The following TMEM233 variants were observed in gnomAD, a reference collection of about 807,000 sequenced individuals.
TMEM233 encodes transmembrane protein 233, also known as dispanin subfamily B member 2.
A neutral mutation model predicts 11.2 loss-of-function variants in TMEM233; 6 were observed. The observed-to-expected ratio is 0.54, with a 90% CI of 0.29 to 1.06. The LOEUF is 1.06. Among genes scored for constraint, TMEM233 ranks in the 50% least tolerant of loss-of-function variants. The pLI, the probability that TMEM233 is intolerant of heterozygous loss-of-function variation, is 0.08. For missense variants in TMEM233, 127 were observed against 144.7 expected (o/e 0.88, Z 0.63); for synonymous variants, 59 against 55.8 (o/e 1.06, Z -0.26).
In TMEM233 at chr12:119,640,854, A is replaced by AAC; in HGVS notation, c.*150_*151insCA. The AAC allele has an allele frequency of 1.8e-3, 973 of 528,748 alleles. No homozygotes were observed. Among genetic ancestry groups the AAC allele is most frequent in the East Asian group, 3.2e-3 (86 of 26,600 alleles). 32.8% of individuals were successfully genotyped at this position (528,748 alleles called of 1,614,324 possible). A position where few individuals can be genotyped will look rare whatever the true frequency, so the allele number is the denominator to read the frequency against. ...AGAGGCAGGTCCCTGGCAAATGAACAAGAAAAAAAAAAAAAAAAAGTCCAA... is the reference window on the plus strand; with the variant it reads ...AGAGGCAGGTCCCTGGCAAATGAACAACAGAAAAAAAAAAAAAAAAAGTCCAA... On this transcript the variant is annotated 3_prime_UTR_variant, in exon 3 of 3. Transcript: ENST00000426426.
chr12:119,629,757 G>A lies in TMEM233; in HGVS notation c.208G>A (p.Gly70Arg), dbSNP rs751638814. 1.0e-5 allele frequency: 16 copies of A among 1,551,266 alleles called. No individual in the cohort carries two copies. The highest frequency in any genetic ancestry group is 4.8e-5 in the South Asian group (4 of 84,026). Residue 70 changes from glycine (G) to arginine (R), a missense_variant, in exon 2 of 3, where the codon GGA becomes AGA. By Grantham distance (125) the Gly-to-Arg change is moderately radical. Coordinates refer to ENST00000426426, the MANE Select transcript of TMEM233 (RefSeq NM_001136534.3). ...CCAGTCTCTGAACAGCTACAACGAT[G>A]GAGACTACGAAGGAGCCAGGCGGCT... ...SIMSLNSYND[G>R]DYEGARRLGR...
At chr12:119,597,173 G>A (rs918375532) in intron 1 of TMEM233, among the ~76,000 whole-genome samples, 1 of 152,180 alleles carries the variant, frequency 6.6e-6, no homozygotes, top group East Asian at 1.9e-4. Context: ...TCTGCCAGGC[G>A]TTTGCTTCCC....
Position 119,594,785 on chromosome 12 carries a change from C to T in TMEM233, c.186+751C>T, listed in dbSNP as rs1247734049. 2.0e-5 allele frequency among the ~76,000 whole-genome samples: 3 copies of T among 152,192 alleles called. No individual in the cohort carries two copies. Among genetic ancestry groups the T allele is most frequent in the African/African-American group, 7.2e-5 (3 of 41,460 alleles). On this transcript the variant is annotated intron_variant, in intron 1 of 2. Coordinates refer to ENST00000426426, the MANE Select transcript of TMEM233 (RefSeq NM_001136534.3). This position sits in a 1 kb window ranked among gnomAD's most constrained non-coding sequence, Gnocchi z 5.6. ...TACCTCTTTAGGCCTTTCTTAGGCT[C>T]CCCGTGTGCCCCCCTCACCAGCAAA...
chr12:119,626,484 A>ATAG (rs1555266821), intron 1 of TMEM233, among the ~76,000 whole-genome samples: 1 of 112,578 alleles, frequency 8.9e-6, no homozygotes, highest in Non-Finnish European at 1.8e-5. Context: ...AAAAAAAAAA[A>ATAG]AAGAAGAAAA....
chr12:119,601,837 T>C (rs1197090785), intron 1 of TMEM233, among the ~76,000 whole-genome samples: 1 of 151,954 alleles, frequency 6.6e-6, no homozygotes, highest in Non-Finnish European at 1.5e-5. Flanking sequence ...TCTCAGAAAG[T>C]CATGGGCGAA....
chr12:119,594,058 A>C lies in TMEM233; in HGVS notation c.186+24A>C. 1 of 1,549,948 alleles carries C rather than the reference A, an allele frequency of 6.5e-7. No homozygotes were observed. Among genetic ancestry groups the C allele is most frequent in the Non-Finnish European group, 8.7e-7 (1 of 1,145,940 alleles). On this transcript the variant is annotated intron_variant, in intron 1 of 2. Coordinates refer to ENST00000426426, the MANE Select transcript of TMEM233 (RefSeq NM_001136534.3). This position sits in a 1 kb window ranked among gnomAD's most constrained non-coding sequence, Gnocchi z 5.6. The stretch of plus-strand genomic sequence containing the variant: ...TGGTGAGTGAATCACGGCCAGAGGC[A>C]GCCTGGGAGGAGAGACCCGGGCGGC...
At chr12:119,626,322 T>C (rs376092716) in intron 1 of TMEM233, among the ~76,000 whole-genome samples, 2 of 151,720 alleles carry the variant, frequency 1.3e-5, no homozygotes, top group South Asian at 4.2e-4. Flanking sequence ...ATACAAAAAT[T>C]TGCCACGCGT....
chr12:119,650,084 G>A, the TMEM233 span, among the ~76,000 whole-genome samples: 1 of 150,542 alleles, frequency 6.6e-6, no homozygotes, highest in African/African-American at 2.5e-5. Flanking sequence ...CGTGAACCCG[G>A]GAGGCGGAGT....
intron 2 of TMEM233, among the ~76,000 whole-genome samples, chr12:119,633,415 TA>T (rs946544159): frequency 1.6e-4 from 24 of 149,678 alleles, no homozygotes; most frequent in East Asian, 3.9e-4. Flanking sequence ...ACCCCATCTC[TA>T]AAAAAAAAAA....
intron 1 of TMEM233, among the ~76,000 whole-genome samples, chr12:119,600,524 A>G (rs1357960275): frequency 1.3e-5 from 2 of 152,222 alleles, no homozygotes; most frequent in Non-Finnish European, 2.9e-5. Context: ...GATGGAAAAT[A>G]TGGAAGTCAC....
chr12:119,610,619 G>A (rs1363527167), intron 1 of TMEM233, among the ~76,000 whole-genome samples: 2 of 152,094 alleles, frequency 1.3e-5, no homozygotes, highest in Non-Finnish European at 2.9e-5. Flanking sequence ...CATTATGATG[G>A]TTTTATAAGG....
chr12:119,630,358 T>C (rs1566111697), intron 2 of TMEM233, among the ~76,000 whole-genome samples: 1 of 152,204 alleles, frequency 6.6e-6, no homozygotes, highest in Non-Finnish European at 1.5e-5. Flanking sequence ...TCCCACGCTA[T>C]ACAAAGCTGC....
intron 2 of TMEM233, 135 bp from the exon 3 acceptor site, chr12:119,640,564 C>CGTGCA (rs746034634): frequency 6.5e-6 from 6 of 927,580 alleles, no homozygotes; most frequent in African/African-American, 1.6e-5. Flanking sequence ...AAAGTGTGCA[C>CGTGCA]GCAGGCTGGT....
chr12:119,650,850 C>T, the TMEM233 span, among the ~76,000 whole-genome samples: 1 of 152,168 alleles, frequency 6.6e-6, no homozygotes, highest in Non-Finnish European at 1.5e-5. Context: ...GCCATGTTGG[C>T]CAGGCTGGTC....
At chr12:119,638,319 T>C (rs1397742219) in intron 2 of TMEM233, among the ~76,000 whole-genome samples, 1 of 152,024 alleles carries the variant, frequency 6.6e-6, no homozygotes, top group Non-Finnish European at 1.5e-5. Flanking sequence ...AAAATATATC[T>C]GGGCTTGGTG....
intron 1 of TMEM233, among the ~76,000 whole-genome samples, chr12:119,600,647 G>A (rs1954144466): frequency 1.3e-5 from 2 of 152,186 alleles, no homozygotes; most frequent in African/African-American, 2.4e-5. Flanking sequence ...CAACCTGGAT[G>A]AACCTTGAAA....
downstream of TMEM233, among the ~76,000 whole-genome samples, chr12:119,643,933 G>A (rs569544172): frequency 4.6e-5 from 7 of 152,240 alleles, no homozygotes; most frequent in Non-Finnish European, 7.4e-5. Flanking sequence ...TTTTGGGAAC[G>A]TGTCCCTTTC....
At chr12:119,647,302 A>T (rs185330684), downstream of TMEM233, among the ~76,000 whole-genome samples, 194 of 152,362 alleles carry the variant, frequency 1.3e-3, 1 homozygote, top group Admixed American at 9.9e-3. Context: ...TGCCTCGACA[A>T]GCAGGCTTTT....
chr12:119,601,346 A>G (rs1954159148), intron 1 of TMEM233, among the ~76,000 whole-genome samples: 3 of 152,190 alleles, frequency 2.0e-5, no homozygotes, highest in Admixed American at 2.0e-4. Context: ...AATTCTGATC[A>G]GGAATGCTGA....
Sources: gnomAD v4.1 joint callset for allele counts (sites outside exome capture counted in the v4.1 genomes callset) on GRCh38, gnomAD v4.1.1 for gene constraint, Gnocchi (gnomAD v3.1) non-coding constraint, MANE v1.5 for transcripts, NCBI Gene and HGNC (gene_info 2026-07-23, HGNC 2026-07-21) for gene names.